Variants in NEDD4 observed in about 807,000 individuals in gnomAD.
NEDD4 encodes the protein NEDD4 E3 ubiquitin protein ligase.
Under a neutral mutation model 144.9 loss-of-function variants are expected in NEDD4, and 99 were observed. The ratio of observed to expected loss-of-function variants is 0.68; its 90% CI spans 0.58 to 0.81. The LOEUF is 0.81. NEDD4 is among the 30% of genes least tolerant of loss of function. NEDD4 has a pLI of 0.00. For missense variants in NEDD4, 985 were observed against 1,065.9 expected (o/e 0.92, Z 1.06); for synonymous variants, 318 against 350.6 (o/e 0.91, Z 1.04).
chr15:55,901,218 C>T (rs575280754), intron 5 of NEDD4, among the ~76,000 whole-genome samples: 12 of 152,016 alleles, frequency 7.9e-5, no homozygotes, highest in Non-Finnish European at 1.5e-4. Flanking sequence ...ATTGAGAGCT[C>T]TGTGAATTCT....
intron 5 of NEDD4, among the ~76,000 whole-genome samples, chr15:55,893,712 A>G (rs1411119286): frequency 6.6e-6 from 1 of 150,758 alleles, no homozygotes; most frequent in Admixed American, 6.7e-5. Flanking sequence ...ATAAGAAACC[A>G]TATTTTTCTG....
At position 55,850,728 on chromosome 15, in the gene NEDD4, G is replaced by A; in HGVS notation, c.1161C>T (p.Thr387=). The change falls in exon 14 of 29, where the codon ACC becomes ACT. Residue 387 remains threonine (T), a synonymous_variant. Coordinates refer to ENST00000435532, the MANE Select transcript of NEDD4 (RefSeq NM_006154.4). ...TKPTVQATVE[T]SQLTSSQSSA... ...AACTCTGGCTTGAGGTCAGCTGACT[G>A]GTCTCCACTGTGGCCTAGCACATTA... 5.6e-6 allele frequency: 9 copies of A among 1,613,496 alleles called. No homozygotes were observed. The highest frequency in any genetic ancestry group is 7.6e-6 in the Non-Finnish European group (9 of 1,179,980).
At chr15:55,850,303 G>T (rs2033931538) in intron 14 of NEDD4, among the ~76,000 whole-genome samples, 1 of 152,026 alleles carries the variant, frequency 6.6e-6, no homozygotes, top group Admixed American at 6.5e-5. Context: ...TATGGCTAGT[G>T]AGCTAAAAAC....
At position 55,863,030 on chromosome 15, in the gene NEDD4, T is replaced by C. The variant is rs138063015; in HGVS notation, c.557A>G (p.Gln186Arg). The C allele has an allele frequency of 1.7e-4, 280 of 1,604,518 alleles. No individual in the cohort carries two copies. The highest frequency in any genetic ancestry group is 3.9e-4 in the Admixed American group (23 of 59,718). Residue 186 changes from glutamine to arginine, a missense_variant, in exon 9 of 29, where the codon CAA (glutamine) becomes CGA (arginine). By Grantham distance (43) the Gln-to-Arg change is conservative. Coordinates refer to ENST00000435532, the MANE Select transcript of NEDD4 (RefSeq NM_006154.4). ...AGGTAGAGGAGAAGGTTCTTGTTGT[T>C]GCTGCAAATGGCAAGCAGCATCTGG... ...DQPDAACHLQQQQEPSPLPPG... is the reference protein window; with the variant it reads ...DQPDAACHLQRQQEPSPLPPG...
chr15:55,829,938 T>G lies in NEDD4; in HGVS notation c.2662A>C (p.Met888Leu). Residue 888 changes from methionine (M) to leucine (L), a missense_variant, in exon 29 of 29, where the codon ATG becomes CTG. Physicochemically the swap from Met to Leu is conservative, Grantham distance 15. Coordinates refer to ENST00000435532, the MANE Select transcript of NEDD4 (RefSeq NM_006154.4). Reference sequence around the variant, plus strand: ...AAGCCCTGGGTGTTTTCAATTGCCATCTGAAGTTTATCCCATAATTCTTCA... The same window carrying G: ...AAGCCCTGGGTGTTTTCAATTGCCAGCTGAAGTTTATCCCATAATTCTTCA... ...SFEELWDKLQ[M>L]AIENTQGFDG... 6.2e-7 allele frequency: 1 copy of G among 1,613,868 alleles called. No individual in the cohort carries two copies. Among genetic ancestry groups the G allele is most frequent in the Non-Finnish European group, 8.5e-7 (1 of 1,179,906 alleles).
At chr15:55,847,168 AAAAC>A in intron 17 of NEDD4, 134 bp from the exon 18 acceptor site, 1 of 490,956 alleles carries the variant, frequency 2.0e-6, no homozygotes, top group Non-Finnish European at 3.6e-6. Context: ...AATTAGAAGA[AAAAC>A]AAATACAAAA....
At chr15:55,975,601 T>C (rs1480735315) in intron 1 of NEDD4, among the ~76,000 whole-genome samples, 1 of 150,428 alleles carries the variant, frequency 6.6e-6, no homozygotes, top group East Asian at 2.0e-4. Context: ...CAATGAAAAC[T>C]ATAGATGAAA....
chr15:55,861,350 G>A (rs1476823618), intron 9 of NEDD4, among the ~76,000 whole-genome samples: 2 of 152,062 alleles, frequency 1.3e-5, no homozygotes, highest in South Asian at 2.1e-4. Flanking sequence ...ATACAGTCAT[G>A]GGCCTGTCCT....
intron 2 of NEDD4, among the ~76,000 whole-genome samples, chr15:55,964,642 TTGC>T (rs1401777137): frequency 0.019 from 2,226 of 117,746 alleles, 73 homozygotes; most frequent in African/African-American, 0.07. Context: ...AGACTGAATT[TTGC>T]TGCTGGTGTG....
At chr15:55,889,588 G>A (rs1251059622) in intron 5 of NEDD4, among the ~76,000 whole-genome samples, 1 of 152,158 alleles carries the variant, frequency 6.6e-6, no homozygotes, top group African/African-American at 2.4e-5. Context: ...GTGGGGTAGG[G>A]AGAAGTAGAG....
intron 1 of NEDD4, among the ~76,000 whole-genome samples, chr15:55,993,217 G>T (rs1347663585): frequency 6.6e-6 from 1 of 152,156 alleles, no homozygotes; most frequent in African/African-American, 2.4e-5. Flanking sequence ...CCCGCCGACC[G>T]CCTAGCCCCC....
intron 9 of NEDD4, among the ~76,000 whole-genome samples, chr15:55,862,389 G>A (rs1441636762): frequency 6.6e-6 from 1 of 152,092 alleles, no homozygotes; most frequent in South Asian, 2.1e-4. Flanking sequence ...AATCACTGAG[G>A]AGACAGAAGT....
chr15:55,878,078 C>T (rs1008877575), intron 5 of NEDD4, among the ~76,000 whole-genome samples: 10 of 152,118 alleles, frequency 6.6e-5, no homozygotes, highest in South Asian at 2.1e-4. Context: ...TATAAAGATC[C>T]GGGTTCAAGG....
intron 5 of NEDD4, among the ~76,000 whole-genome samples, chr15:55,876,075 A>T (rs912955715): frequency 6.6e-6 from 1 of 152,240 alleles, no homozygotes; most frequent in Non-Finnish European, 1.5e-5. Context: ...GTCAAAAACA[A>T]TGGAAGCCAG....
At chr15:55,868,548 G>A (rs905505591) in intron 8 of NEDD4, among the ~76,000 whole-genome samples, 4 of 152,060 alleles carry the variant, frequency 2.6e-5, no homozygotes, top group South Asian at 2.1e-4. Flanking sequence ...TTTATAAAGG[G>A]CAGTTCCCTG....
intron 18 of NEDD4, among the ~76,000 whole-genome samples, chr15:55,846,241 T>C (rs1308286353): frequency 1.3e-5 from 2 of 152,164 alleles, no homozygotes; most frequent in African/African-American, 4.8e-5. Flanking sequence ...TCTTGAATAT[T>C]TGTGAAAGCC....
rs547974132 is a variant in NEDD4, at chr15:55,950,748, G to C, written c.237+628C>G. Among the ~76,000 whole-genome samples the C allele has an allele frequency of 1.6e-4, 24 of 152,254 alleles. No individual in the cohort carries two copies. In the South Asian group the frequency reaches 5.0e-3, roughly 32 times the overall value. On this transcript the variant is annotated intron_variant, in intron 4 of 28. Transcript: ENST00000435532. ...CAGAGAAACGACTCAACAGCTAAAG[G>C]GGAATATGGGGTCAAGGAAGAACAT... is the stretch of plus-strand genomic sequence containing the variant.
chr15:55,871,432 T>C (rs1274799410), intron 7 of NEDD4, among the ~76,000 whole-genome samples: 1 of 152,186 alleles, frequency 6.6e-6, no homozygotes, highest in Non-Finnish European at 1.5e-5. Context: ...TTTTTAAAGA[T>C]AAAGACGCTA....
rs1167886387 is a variant in NEDD4 at position 55,974,553 on chromosome 15, G to GA, written c.46-8008dup. Among the ~76,000 whole-genome samples, 3 of 151,732 alleles carry GA rather than the reference G, an allele frequency of 2.0e-5. No individual in the cohort carries two copies. The South Asian group carries it at 6.2e-4, about 32-fold the overall frequency. On this transcript the variant is annotated intron_variant, in intron 1 of 28. Transcript: ENST00000435532. ...AGCAAACCAAATTTGACAACACATT[G>GA]AAAAAAAATCATTCATCGTGACCAA...
Sources: allele counts gnomAD v4.1 joint callset (sites outside exome capture counted in the v4.1 genomes callset), GRCh38; gene constraint gnomAD v4.1.1; transcripts MANE v1.5; gene names NCBI Gene and HGNC (gene_info 2026-07-23, HGNC 2026-07-21).